The following PLEKHA7 variants were observed in gnomAD, a reference collection of about 807,000 sequenced individuals.
PLEKHA7 encodes pleckstrin homology domain-containing family A member 7.
Under a neutral mutation model 170.0 loss-of-function variants are expected in PLEKHA7, and 104 were observed. The ratio of observed to expected loss-of-function variants is 0.61; its 90% CI spans 0.52 to 0.72. The LOEUF is 0.72. PLEKHA7 is among the 30% of genes least tolerant of loss of function. The pLI, the probability that PLEKHA7 is intolerant of heterozygous loss-of-function variation, is 0.00. For synonymous variants in PLEKHA7, 648 were observed against 660.8 expected, an observed-to-expected ratio of 0.98 and a Z score of 0.30; for missense variants, 1,615 against 1,671.7, an observed-to-expected ratio of 0.97 and a Z score of 0.59.
intron 3 of PLEKHA7, among the ~76,000 whole-genome samples, chr11:16,952,148 T>C (rs1469696379): frequency 2.6e-5 from 4 of 152,192 alleles, no homozygotes; most frequent in African/African-American, 7.2e-5. Flanking sequence ...GCTGGGCACC[T>C]TATAACCCAG....
At chr11:16,868,027 T>A (rs1854527844) in intron 4 of PLEKHA7, among the ~76,000 whole-genome samples, 1 of 151,258 alleles carries the variant, frequency 6.6e-6, no homozygotes, top group East Asian at 1.9e-4. Context: ...CTGGTGTAGA[T>A]CCCCCATGCT....
intron 3 of PLEKHA7, among the ~76,000 whole-genome samples, chr11:16,895,731 T>C (rs2135986103): frequency 6.6e-6 from 1 of 152,278 alleles, no homozygotes; most frequent in South Asian, 2.1e-4. Flanking sequence ...GACTTCTAAA[T>C]CCAAGAGGAG....
chr11:16,902,835 CT>C (rs148124565), intron 3 of PLEKHA7, among the ~76,000 whole-genome samples: 2,695 of 152,306 alleles, frequency 0.018, 91 homozygotes, highest in African/African-American at 0.062. Flanking sequence ...AGGTAAAGGA[CT>C]TAGCAGACAG....
chr11:17,001,929 T>G (rs1791468617), intron 3 of PLEKHA7, among the ~76,000 whole-genome samples: 1 of 152,196 alleles, frequency 6.6e-6, no homozygotes, highest in African/African-American at 2.4e-5. Context: ...AAATTGGCTG[T>G]GATATTGGAA....
chr11:16,818,965 G>A (rs1316641622), intron 10 of PLEKHA7, among the ~76,000 whole-genome samples: 10 of 150,990 alleles, frequency 6.6e-5, no homozygotes, highest in African/African-American at 1.9e-4. Flanking sequence ...CACCACACCC[G>A]GCTAATTTTT....
intron 9 of PLEKHA7, among the ~76,000 whole-genome samples, chr11:16,827,829 T>TAA (rs11358170): frequency 0.42 from 56,255 of 135,200 alleles, 13,626 homozygotes; most frequent in East Asian, 0.68. Flanking sequence ...ACTCCATGGT[T>TAA]AAAAAAAAAA....
At chr11:17,004,949 T>C (rs1864893509) in intron 3 of PLEKHA7, among the ~76,000 whole-genome samples, 2 of 152,202 alleles carry the variant, frequency 1.3e-5, no homozygotes, top group African/African-American at 4.8e-5. Flanking sequence ...TACCTGCCAG[T>C]TTGCTGAGAT....
intron 4 of PLEKHA7, among the ~76,000 whole-genome samples, chr11:16,859,392 G>A (rs1012751684): frequency 6.6e-6 from 1 of 152,194 alleles, no homozygotes; most frequent in African/African-American, 2.4e-5. Context: ...AATGGTGGTC[G>A]TGCTTGGGGA....
chr11:16,824,893 G>A (rs1388263047), intron 10 of PLEKHA7, among the ~76,000 whole-genome samples: 3 of 152,190 alleles, frequency 2.0e-5, no homozygotes, highest in Non-Finnish European at 4.4e-5. Flanking sequence ...GGCCTACTTA[G>A]GCCGGCACCA....
intron 3 of PLEKHA7, among the ~76,000 whole-genome samples, chr11:16,941,135 A>G (rs1860669299): frequency 1.3e-5 from 2 of 152,174 alleles, no homozygotes; most frequent in Non-Finnish European, 2.9e-5. Context: ...GAGGTGGCAA[A>G]TCCCTGAGGT....
rs1848116693 is a variant in PLEKHA7, at chr11:16,794,932, T to G, written c.2496A>C (p.Leu832=). The G allele has an allele frequency of 1.2e-6, 2 of 1,609,824 alleles. No homozygotes were observed. The highest frequency in any genetic ancestry group is 2.7e-5 in the African/African-American group (2 of 74,290). The change falls in exon 18 of 27, where the codon CTA becomes CTC. Residue 832 remains leucine, a synonymous_variant. Coordinates refer to ENST00000531066, the MANE Select transcript of PLEKHA7 (RefSeq NM_001329630.2). ...LSANKENFRI[L]VESVKNPERK... is the part of the protein sequence containing the mutation. The stretch of plus-strand genomic sequence containing the variant: ...CACCCGGATTTTTTACTGACTCCAC[T>G]AGAATTCTGAAGTTCTCTTTATTTG...
intron 3 of PLEKHA7, among the ~76,000 whole-genome samples, chr11:16,893,667 GC>G (rs1365408252): frequency 6.6e-6 from 1 of 152,148 alleles, no homozygotes; most frequent in Non-Finnish European, 1.5e-5. Context: ...CAAAAAGTCT[GC>G]TGTATGAGCT....
At chr11:16,816,085 T>C (rs1234905997) in intron 12 of PLEKHA7, 93 bp downstream of exon 12, 10 of 1,059,988 alleles carry the variant, frequency 9.4e-6, no homozygotes, top group East Asian at 4.9e-5. Context: ...TGGGGGTTAA[T>C]AGCTGCCCTC....
Position 17,014,199 on chromosome 11 carries a change from T to G in PLEKHA7, c.89A>C (p.Asp30Ala). 1 of 1,587,724 alleles carries G rather than the reference T, an allele frequency of 6.3e-7. No individual in the cohort carries two copies. The highest frequency in any genetic ancestry group is 8.5e-7 in the Non-Finnish European group (1 of 1,169,660). ...CRDGRVFFIN[D>A]QLRCTTWLHP... Reference sequence around the variant, plus strand: ...CAGCCAGGTCGTGCAGCGGAGCTGGTCACTGCGGGCAGAGAGGTGCACCTG... The same window carrying G: ...CAGCCAGGTCGTGCAGCGGAGCTGGGCACTGCGGGCAGAGAGGTGCACCTG... Residue 30 changes from aspartate to alanine, a missense_variant and splice_region_variant, in exon 2 of 27, where the codon GAC becomes GCC. Asp to Ala is a moderately radical substitution (Grantham distance 126). Coordinates refer to ENST00000531066, the MANE Select transcript of PLEKHA7 (RefSeq NM_001329630.2).
At chr11:16,845,921 G>A (rs1053025952) in intron 8 of PLEKHA7, among the ~76,000 whole-genome samples, 1 of 152,106 alleles carries the variant, frequency 6.6e-6, no homozygotes, top group African/African-American at 2.4e-5. Context: ...GGAGGAGAGA[G>A]AACACCAGGT....
chr11:16,938,568 C>A (rs1470654017), intron 3 of PLEKHA7, among the ~76,000 whole-genome samples: 11 of 151,926 alleles, frequency 7.2e-5, no homozygotes, highest in Admixed American at 6.6e-4. Context: ...TCCCTTTATA[C>A]CTTTGAAAGG....
intron 4 of PLEKHA7, among the ~76,000 whole-genome samples, chr11:16,863,316 T>C (rs1314160434): frequency 1.3e-5 from 2 of 152,146 alleles, no homozygotes; most frequent in Non-Finnish European, 2.9e-5. Flanking sequence ...AAATTCCAAC[T>C]TGTGTTTCTT....
intron 3 of PLEKHA7, among the ~76,000 whole-genome samples, chr11:16,902,344 C>G (rs944487317): frequency 2.6e-5 from 4 of 152,196 alleles, no homozygotes; most frequent in African/African-American, 4.8e-5. Flanking sequence ...TTTCACTTCT[C>G]TTGGGTATAT....
At chr11:16,873,712 G>T (rs1011039426) in intron 3 of PLEKHA7, among the ~76,000 whole-genome samples, 4 of 152,218 alleles carry the variant, frequency 2.6e-5, no homozygotes, top group African/African-American at 9.6e-5. Flanking sequence ...TGTCGCCCAG[G>T]CTGGAGTGCA....
Sources: allele counts gnomAD v4.1 joint callset (sites outside exome capture counted in the v4.1 genomes callset), GRCh38; gene constraint gnomAD v4.1.1; transcripts MANE v1.5; gene names NCBI Gene and HGNC (gene_info 2026-07-23, HGNC 2026-07-21).